The following EGF variants were observed in gnomAD, a reference collection of about 807,000 sequenced individuals.
EGF encodes epidermal growth factor, also known as pro-epidermal growth factor.
In EGF, 95 loss-of-function variants were observed where a neutral mutation model predicts 143.8. The ratio of observed to expected loss-of-function variants is 0.66; its 90% CI spans 0.56 to 0.78. The LOEUF (loss-of-function observed/expected upper bound fraction) is 0.78. Ranked by LOEUF, EGF falls within the 30% of genes least tolerant of loss-of-function variation. The pLI, the probability that EGF is intolerant of heterozygous loss-of-function variation, is 0.00. For synonymous variants in EGF, 510 were observed against 510.5 expected (o/e 1.00, Z 0.01); for missense variants, 1,320 against 1,470.9 (o/e 0.90, Z 1.68).
At chr4:109,926,600 G>A (rs1001776453) in intron 1 of EGF, among the ~76,000 whole-genome samples, 6 of 152,018 alleles carry the variant, frequency 3.9e-5, no homozygotes, top group Non-Finnish European at 8.8e-5. Flanking sequence ...CTCGTGGTCC[G>A]CCTGCCTCGG....
intron 16 of EGF, among the ~76,000 whole-genome samples, chr4:109,984,511 A>G (rs1749848750): frequency 1.3e-5 from 2 of 152,168 alleles, no homozygotes; most frequent in Non-Finnish European, 2.9e-5. Context: ...AGGATTCCCA[A>G]GTATATCAAA....
chr4:109,918,033 T>C (rs1255163701), intron 1 of EGF, among the ~76,000 whole-genome samples: 2 of 152,228 alleles, frequency 1.3e-5, no homozygotes, highest in Non-Finnish European at 2.9e-5. Context: ...ATACATGTAA[T>C]ATGTACACTG....
At chr4:109,978,560 G>T (rs1203595244) in intron 13 of EGF, among the ~76,000 whole-genome samples, 2 of 152,174 alleles carry the variant, frequency 1.3e-5, no homozygotes, top group Non-Finnish European at 2.9e-5. Context: ...AAAGAAAGGA[G>T]AATGGTGGTT....
chr4:109,920,221 G>C (rs1299048051), intron 1 of EGF, among the ~76,000 whole-genome samples: 1 of 151,624 alleles, frequency 6.6e-6, no homozygotes, highest in Non-Finnish European at 1.5e-5. Context: ...TACAATAGAG[G>C]AAACTCGGAG....
intron 21 of EGF, among the ~76,000 whole-genome samples, chr4:110,003,583 C>T (rs1240350529): frequency 6.6e-6 from 1 of 152,116 alleles, no homozygotes; most frequent in Non-Finnish European, 1.5e-5. Flanking sequence ...TTCCTAGAGG[C>T]AATTAAGCTG....
chr4:109,986,719 T>C (rs1247337579), intron 16 of EGF, among the ~76,000 whole-genome samples: 1 of 151,568 alleles, frequency 6.6e-6, no homozygotes, highest in Non-Finnish European at 1.5e-5. Context: ...GAGTGGCATT[T>C]GGAGAATGAT....
chr4:109,998,523 G>A (rs1752130337), intron 20 of EGF, among the ~76,000 whole-genome samples: 1 of 152,172 alleles, frequency 6.6e-6, no homozygotes, highest in South Asian at 2.1e-4. Context: ...CATAATACAG[G>A]AATATGCCAC....
intron 20 of EGF, among the ~76,000 whole-genome samples, chr4:109,997,329 C>T (rs920233359): frequency 2.6e-5 from 4 of 152,124 alleles, no homozygotes; most frequent in African/African-American, 4.8e-5. Context: ...CCTCCAGCTG[C>T]GTAACTCCCA....
chr4:109,993,292 C>T lies in EGF; in HGVS notation c.2780C>T (p.Ala927Val). 6.2e-7 allele frequency: 1 copy of T among 1,613,682 alleles called. No individual in the cohort carries two copies. Among genetic ancestry groups the T allele is most frequent in the Non-Finnish European group, 8.5e-7 (1 of 1,179,858 alleles). Residue 927 changes from alanine (A) to valine (V), a missense_variant, in exon 19 of 24, where the codon GCC (alanine) becomes GTC (valine). By Grantham distance (64) the Ala-to-Val change is moderately conservative. Coordinates refer to ENST00000265171, the MANE Select transcript of EGF (RefSeq NM_001963.6). ...QLGEHSCGEN[A>V]SCTNTEGGYT... ...GGGGAGCACAGCTGTGGAGAGAATG[C>T]CAGCTGCACAAATACAGAGGGAGGC...
intron 5 of EGF, among the ~76,000 whole-genome samples, chr4:109,955,133 G>A (rs930264427): frequency 2.0e-5 from 3 of 152,122 alleles, no homozygotes; most frequent in Non-Finnish European, 2.9e-5. Flanking sequence ...AACAGGAAAC[G>A]GAATCCCAAG....
At chr4:109,971,656 T>C (rs1747678780) in intron 11 of EGF, among the ~76,000 whole-genome samples, 1 of 152,170 alleles carries the variant, frequency 6.6e-6, no homozygotes, top group Non-Finnish European at 1.5e-5. Context: ...TCTTAAGTCC[T>C]CCTGGCTCTA....
chr4:109,965,090 G>A (rs1746334561), intron 10 of EGF, among the ~76,000 whole-genome samples: 1 of 152,076 alleles, frequency 6.6e-6, no homozygotes, highest in Non-Finnish European at 1.5e-5. Flanking sequence ...AGTTTTGTGT[G>A]TAACTTAGAA....
At chr4:109,990,318 A>C (rs748490787) in intron 18 of EGF, among the ~76,000 whole-genome samples, 27 of 152,244 alleles carry the variant, frequency 1.8e-4, no homozygotes, top group Non-Finnish European at 3.1e-4. Flanking sequence ...AGAAGAGTGC[A>C]CATCATAAGA....
At position 110,013,147 on chromosome 4, in the gene EGF, C is replaced by T. The variant is rs1754140068; in HGVS notation, c.*1692C>T. Among the ~76,000 whole-genome samples the T allele has an allele frequency of 6.6e-6, 1 of 152,098 alleles. No homozygotes were observed. The highest frequency in any genetic ancestry group is 3.2e-3 in the Middle Eastern group (1 of 316). On this transcript the variant is annotated 3_prime_UTR_variant, in exon 24 of 24. Coordinates refer to ENST00000265171, the MANE Select transcript of EGF (RefSeq NM_001963.6). ...GGAGGATCAGAAGACTTGTCTATTT[C>T]TGCTGAGTCACTGGCCTCAGAAAAA...
intron 17 of EGF, 151 bp downstream of exon 17, chr4:109,988,011 A>T: frequency 1.5e-6 from 1 of 680,068 alleles, no homozygotes; most frequent in South Asian, 1.6e-5. Context: ...AAATTGAATG[A>T]CATGCATAGA....
rs1245208842 is a variant in EGF at position 109,969,088 on chromosome 4, A to G, written c.1693A>G (p.Ile565Val). 6.2e-7 allele frequency: 1 copy of G among 1,614,086 alleles called. No homozygotes were observed. Among genetic ancestry groups the G allele is most frequent in the Admixed American group, 1.7e-5 (1 of 60,010 alleles). The part of the protein sequence containing the change: ...DVPEGLAVDW[I>V]GRRFYWTDRG... ...GCCAGAAGGTCTTGCTGTGGACTGG[A>G]TTGGCCGTAGATTCTATTGGACAGA... The change falls in exon 11 of 24, where the codon ATT (isoleucine) becomes GTT (valine). Residue 565 changes from isoleucine (I) to valine (V), a missense_variant. By Grantham distance (29) the Ile-to-Val change is conservative (BLOSUM62 3). This residue lies in a region of EGF where 1,186 missense variants were observed against 1,313.7 expected (regional missense o/e 0.90). Transcript: ENST00000265171.
intron 21 of EGF, among the ~76,000 whole-genome samples, chr4:110,002,342 A>C (rs756151244): frequency 1.3e-5 from 2 of 152,122 alleles, no homozygotes; most frequent in Non-Finnish European, 2.9e-5. Context: ...AATTACAAAA[A>C]ATTACCCAGG....
intron 10 of EGF, among the ~76,000 whole-genome samples, chr4:109,967,035 T>G (rs1476740348): frequency 6.6e-6 from 1 of 152,210 alleles, no homozygotes; most frequent in Non-Finnish European, 1.5e-5. Flanking sequence ...GTGCAGAAGC[T>G]TTTTAGTTTA....
At position 109,952,263 on chromosome 4, in the gene EGF, G is replaced by A. The variant is rs376177296; in HGVS notation, c.940+6988G>A. ...GGTCCAAATATTTTTGCTTTTTTCT[G>A]TATTCTTTAAATGTAGATTTCAGTT... On this transcript the variant is annotated intron_variant, in intron 5 of 23. Coordinates refer to ENST00000265171, the MANE Select transcript of EGF (RefSeq NM_001963.6). Among the ~76,000 whole-genome samples the A allele has an allele frequency of 2.0e-5, 3 of 152,076 alleles. No homozygotes were observed. In the East Asian group the frequency reaches 5.8e-4, roughly 29 times the overall value.
Sources: allele counts gnomAD v4.1 joint callset (sites outside exome capture counted in the v4.1 genomes callset), GRCh38; gene constraint gnomAD v4.1.1; regional missense constraint gnomAD v4.1.1; transcripts MANE v1.5; gene names NCBI Gene and HGNC (gene_info 2026-07-23, HGNC 2026-07-21).